Variants in C8orf34 observed in about 807,000 individuals in gnomAD.
The protein encoded by C8orf34 is chromosome 8 open reading frame 34.
In C8orf34, 65 loss-of-function variants were observed where a neutral mutation model predicts 68.3. The observed-to-expected ratio is 0.95, with a 90% CI of 0.78 to 1.17. The LOEUF is 1.17. Ranked by LOEUF, C8orf34 falls within the 50% of genes most tolerant of loss-of-function variation. The probability of loss-of-function intolerance (pLI) is 0.00; values close to 1 mark genes in which losing one functional copy is unlikely to be tolerated. For synonymous variants in C8orf34, 244 were observed against 241.2 expected (o/e 1.01, Z -0.11); for missense variants, 664 against 655.4 (o/e 1.01, Z -0.14).
At chr8:68,331,731 C>T (rs1193904362) in intron 1 of C8orf34, among the ~76,000 whole-genome samples, 1 of 138,656 alleles carries the variant, frequency 7.2e-6, no homozygotes, top group East Asian at 2.2e-4. Context: ...TGAATTCACG[C>T]TATCTTGAGT....
intron 11 of C8orf34, among the ~76,000 whole-genome samples, chr8:68,784,945 A>C (rs756565727): frequency 2.0e-4 from 31 of 152,238 alleles, no homozygotes; most frequent in Non-Finnish European, 3.4e-4. Flanking sequence ...CTTTCATTGG[A>C]GAATGATTTT....
intron 7 of C8orf34, among the ~76,000 whole-genome samples, chr8:68,619,042 G>A (rs1370264197): frequency 2.0e-5 from 3 of 152,058 alleles, no homozygotes; most frequent in African/African-American, 7.2e-5. Context: ...TTAAAGGAGA[G>A]GTTGGGCTGG....
At chr8:68,525,730 C>T in intron 6 of C8orf34, 1 of 639,550 alleles carries the variant, frequency 1.6e-6, no homozygotes, top group Non-Finnish European at 3.0e-6. Context: ...TCACAACAAT[C>T]TTCCCAGCTC....
intron 7 of C8orf34, among the ~76,000 whole-genome samples, chr8:68,538,437 TA>T (rs551360794): frequency 6.6e-4 from 96 of 146,176 alleles, no homozygotes; most frequent in African/African-American, 1.6e-3. Context: ...GTTGAGAGGA[TA>T]AAAAAAAAAT....
At chr8:68,482,125 CAT>C (rs2129631125) in intron 4 of C8orf34, among the ~76,000 whole-genome samples, 1 of 152,298 alleles carries the variant, frequency 6.6e-6, no homozygotes, top group East Asian at 1.9e-4. Context: ...GTGCTATTCT[CAT>C]GCTAGTGAAT....
chr8:68,644,284 G>A (rs1431716806), intron 8 of C8orf34, among the ~76,000 whole-genome samples: 1 of 152,114 alleles, frequency 6.6e-6, no homozygotes, highest in Non-Finnish European at 1.5e-5. Flanking sequence ...GAATGATTTT[G>A]GGGAAAGAAG....
chr8:68,610,880 T>C (rs1194314941), intron 7 of C8orf34, among the ~76,000 whole-genome samples: 2 of 151,204 alleles, frequency 1.3e-5, no homozygotes, highest in Non-Finnish European at 3.0e-5. Flanking sequence ...TTTTTTTTTT[T>C]TGAGACAGAG....
At chr8:68,682,111 A>G (rs1276737951) in intron 8 of C8orf34, among the ~76,000 whole-genome samples, 2 of 152,174 alleles carry the variant, frequency 1.3e-5, no homozygotes, top group African/African-American at 4.8e-5. Flanking sequence ...ACAGCATAAC[A>G]AGATGACTGT....
chr8:68,789,670 A>G (rs758912330), intron 12 of C8orf34, among the ~76,000 whole-genome samples: 2 of 152,212 alleles, frequency 1.3e-5, no homozygotes, highest in African/African-American at 2.4e-5. Flanking sequence ...GACACAAAAT[A>G]AGCCTTCAAT....
chr8:68,524,474 C>A (rs1214271800), intron 6 of C8orf34, among the ~76,000 whole-genome samples: 1 of 152,158 alleles, frequency 6.6e-6, no homozygotes, highest in African/African-American at 2.4e-5. Flanking sequence ...GAGATACTAA[C>A]ATGGAGTCCT....
At chr8:68,743,362 C>T (rs1032112616) in intron 10 of C8orf34, among the ~76,000 whole-genome samples, 2 of 152,118 alleles carry the variant, frequency 1.3e-5, no homozygotes, top group Non-Finnish European at 2.9e-5. Flanking sequence ...AAGGGAGGAG[C>T]CAAGATGGCC....
intron 8 of C8orf34, among the ~76,000 whole-genome samples, chr8:68,664,056 GAA>G (rs1179085837): frequency 6.6e-6 from 1 of 152,158 alleles, no homozygotes; most frequent in Admixed American, 6.5e-5. Flanking sequence ...ACTGGAAGGG[GAA>G]AGAGGAGTGG....
chr8:68,373,450 T>C (rs1413238323), intron 1 of C8orf34, among the ~76,000 whole-genome samples: 1 of 152,200 alleles, frequency 6.6e-6, no homozygotes, highest in Non-Finnish European at 1.5e-5. Context: ...TATCGGCTAC[T>C]GTGGAAATGA....
At chr8:68,336,682 G>C (rs542806889) in intron 1 of C8orf34, among the ~76,000 whole-genome samples, 37 of 152,280 alleles carry the variant, frequency 2.4e-4, no homozygotes, top group African/African-American at 8.7e-4. Context: ...CATCCTGGTA[G>C]CAATGAGCAC....
chr8:68,381,445 T>C (rs1808026108), intron 1 of C8orf34, among the ~76,000 whole-genome samples: 2 of 152,186 alleles, frequency 1.3e-5, no homozygotes, highest in Non-Finnish European at 2.9e-5. Context: ...AAAATAGGTA[T>C]ATTAAGGCCG....
intron 7 of C8orf34, among the ~76,000 whole-genome samples, chr8:68,617,208 G>A (rs7826192): frequency 0.3 from 44,885 of 152,004 alleles, 8,447 homozygotes; most frequent in African/African-American, 0.55. Flanking sequence ...GGTTTCCTGA[G>A]TACAGCACAC....
chr8:68,665,323 A>G (rs962972842), intron 8 of C8orf34, among the ~76,000 whole-genome samples: 1 of 152,200 alleles, frequency 6.6e-6, no homozygotes, highest in Admixed American at 6.5e-5. Flanking sequence ...GCTATTGTGT[A>G]TGTGTATGTC....
intron 12 of C8orf34, 114 bp from the exon 13 acceptor site, chr8:68,815,772 T>C: frequency 6.5e-7 from 1 of 1,550,274 alleles, no homozygotes; most frequent in Non-Finnish European, 8.8e-7. Flanking sequence ...AATGTAGTTT[T>C]AATATTAATT....
At chr8:68,796,403 C>G (rs1348695279) in intron 12 of C8orf34, among the ~76,000 whole-genome samples, 3 of 152,078 alleles carry the variant, frequency 2.0e-5, no homozygotes, top group African/African-American at 7.2e-5. Flanking sequence ...TTAGTTTTCT[C>G]TTTATTTGAG....
Sources: allele counts gnomAD v4.1 joint callset (sites outside exome capture counted in the v4.1 genomes callset), GRCh38; gene constraint gnomAD v4.1.1; transcripts MANE v1.5; gene names NCBI Gene and HGNC (gene_info 2026-07-23, HGNC 2026-07-21).